Variants in CSMD1 observed in about 807,000 individuals in gnomAD.
The protein encoded by CSMD1 is CUB and sushi domain-containing protein 1.
A neutral mutation model predicts 417.5 loss-of-function variants in CSMD1; 213 were observed. That is an observed-to-expected ratio of 0.51 (90% CI 0.46 to 0.57). The LOEUF is 0.57. Among genes scored for constraint, CSMD1 ranks in the 20% least tolerant of loss-of-function variants. The probability of loss-of-function intolerance (pLI) is 0.00; values close to 1 mark genes in which losing one functional copy is unlikely to be tolerated. For synonymous variants in CSMD1, 2,862 were observed against 1,736.8 expected, an observed-to-expected ratio of 1.65 and a Z score of -16.11; for missense variants, 6,923 against 4,529.7, an observed-to-expected ratio of 1.53 and a Z score of -15.17.
intron 8 of CSMD1, among the ~76,000 whole-genome samples, chr8:3,606,685 C>G (rs1007499997): frequency 6.7e-6 from 1 of 149,900 alleles, no homozygotes; most frequent in Non-Finnish European, 1.5e-5. Context: ...TTAACCTTAA[C>G]TTACTGTAAC....
At chr8:4,532,194 C>A (rs1385458663) in intron 2 of CSMD1, among the ~76,000 whole-genome samples, 3 of 149,398 alleles carry the variant, frequency 2.0e-5, no homozygotes, top group Non-Finnish European at 4.4e-5. Context: ...TTCAGTCACT[C>A]CGGAAGAGAA....
chr8:4,658,787 T>A (rs1000280441), intron 1 of CSMD1, among the ~76,000 whole-genome samples: 1 of 152,124 alleles, frequency 6.6e-6, no homozygotes, highest in Non-Finnish European at 1.5e-5. Context: ...CATAAAACAA[T>A]CACCACACAT....
intron 26 of CSMD1, among the ~76,000 whole-genome samples, chr8:3,282,584 C>CA (rs1429100485): frequency 2.6e-5 from 4 of 151,926 alleles, no homozygotes; most frequent in African/African-American, 7.3e-5. Flanking sequence ...GAGTAAAGGA[C>CA]TTTTTTTCCC....
rs1799266512 is a variant in CSMD1, at chr8:3,238,063, G to A, written c.4154-7832C>T. Among the ~76,000 whole-genome samples, 4 of 151,848 alleles carry A rather than the reference G, an allele frequency of 2.6e-5. 1 individual carries two copies. The highest frequency in any genetic ancestry group is 2.1e-4 in the South Asian group (1 of 4,820). Reference sequence around the variant, plus strand: ...CAATAAAGCTGTTTATTTCACCTGGGTGCAGACGGGCTGAGTCCGAAAAGA... The same window carrying A: ...CAATAAAGCTGTTTATTTCACCTGGATGCAGACGGGCTGAGTCCGAAAAGA... On this transcript the variant is annotated intron_variant, in intron 26 of 69. Coordinates refer to ENST00000635120, the MANE Select transcript of CSMD1 (RefSeq NM_033225.6).
At chr8:4,082,523 A>G (rs916809845) in intron 3 of CSMD1, among the ~76,000 whole-genome samples, 1 of 152,136 alleles carries the variant, frequency 6.6e-6, no homozygotes, top group African/African-American at 2.4e-5. Flanking sequence ...AAAAAATAAA[A>G]CTAAAAGGAA....
At chr8:3,523,314 C>T (rs757499927) in intron 10 of CSMD1, among the ~76,000 whole-genome samples, 2 of 152,142 alleles carry the variant, frequency 1.3e-5, no homozygotes, top group African/African-American at 4.8e-5. Flanking sequence ...TTTTGCTTTA[C>T]TAAATTATTT....
intron 6 of CSMD1, among the ~76,000 whole-genome samples, chr8:3,750,018 G>A (rs1220085315): frequency 6.6e-6 from 1 of 152,012 alleles, no homozygotes; most frequent in African/African-American, 2.4e-5. Context: ...TACCAATAGT[G>A]CAAAAAATAT....
intron 1 of CSMD1, among the ~76,000 whole-genome samples, chr8:4,796,946 G>C (rs1055767451): frequency 6.6e-6 from 1 of 152,230 alleles, no homozygotes; most frequent in East Asian, 1.9e-4. Context: ...GGGCAGGACA[G>C]AGCGGCCCTG....
At chr8:3,448,308 GAAGGAAGGAAGGAAGGGAGC>G (rs1815434128) in intron 12 of CSMD1, among the ~76,000 whole-genome samples, 2 of 84,252 alleles carry the variant, frequency 2.4e-5, no homozygotes, top group African/African-American at 5.2e-5. Flanking sequence ...TGGTGGGAAG[GAAGGAAGGAAGGAAGGGAGC>G]AAGGGAGGGA....
intron 4 of CSMD1, among the ~76,000 whole-genome samples, chr8:4,027,806 G>C (rs1276029963): frequency 1.3e-5 from 2 of 152,066 alleles, no homozygotes; most frequent in Admixed American, 6.6e-5. Flanking sequence ...GTAAGGCCAA[G>C]ACACTTGAAA....
intron 3 of CSMD1, among the ~76,000 whole-genome samples, chr8:4,108,191 T>C (rs1489150328): frequency 6.6e-6 from 1 of 152,120 alleles, no homozygotes; most frequent in Non-Finnish European, 1.5e-5. Context: ...TCAGACTCTA[T>C]GGGAAACAAA....
At chr8:4,427,567 A>T (rs1433450977) in intron 2 of CSMD1, among the ~76,000 whole-genome samples, 1 of 152,094 alleles carries the variant, frequency 6.6e-6, no homozygotes, top group East Asian at 1.9e-4. Context: ...ATCTTACCAG[A>T]TTAAAATGTC....
rs748212272 is a variant in CSMD1 at position 2,949,379 on chromosome 8, G to T, written c.10322C>A (p.Ser3441Tyr). 6 of 1,581,116 alleles carry T rather than the reference G, an allele frequency of 3.8e-6. No homozygotes were observed. The East Asian group carries it at 1.4e-4, about 36-fold the overall frequency. ...DNWGLDGYVS[S>Y]GLERGGFTFQ... ...AGTAAATCCTCCTCTTTCAAGTCCA[G>T]ATGACACCTGACACATAGGAAAGAA... is the stretch of plus-strand genomic sequence containing the variant. The change falls in exon 68 of 70, where the codon TCT becomes TAT. Residue 3441 changes from serine to tyrosine, a missense_variant. Coordinates refer to ENST00000635120, the MANE Select transcript of CSMD1 (RefSeq NM_033225.6).
intron 1 of CSMD1, among the ~76,000 whole-genome samples, chr8:4,638,223 C>G (rs1163505805): frequency 6.6e-6 from 1 of 152,076 alleles, no homozygotes; most frequent in Non-Finnish European, 1.5e-5. Flanking sequence ...ACACTCCACC[C>G]TAAATTCTTT....
chr8:3,051,516 G>A (rs890137048), intron 50 of CSMD1, among the ~76,000 whole-genome samples: 1 of 152,142 alleles, frequency 6.6e-6, no homozygotes, highest in Non-Finnish European at 1.5e-5. Context: ...CCTGGCTGAG[G>A]AAACTATCTC....
At chr8:4,814,552 A>G (rs1212261786) in intron 1 of CSMD1, among the ~76,000 whole-genome samples, 1 of 152,178 alleles carries the variant, frequency 6.6e-6, no homozygotes, top group Non-Finnish European at 1.5e-5. Context: ...TAGATTAATT[A>G]TAGCCCAGAA....
chr8:3,330,489 G>T (rs955850125), intron 23 of CSMD1, among the ~76,000 whole-genome samples: 1 of 152,164 alleles, frequency 6.6e-6, no homozygotes, highest in Non-Finnish European at 1.5e-5. Context: ...GCAAACTAAG[G>T]CAGAAACAGG....
intron 3 of CSMD1, among the ~76,000 whole-genome samples, chr8:4,107,367 G>C (rs926809463): frequency 3.3e-5 from 5 of 152,166 alleles, no homozygotes; most frequent in African/African-American, 9.7e-5. Flanking sequence ...CACCTGTAGA[G>C]GATAAAGTCC....
intron 3 of CSMD1, among the ~76,000 whole-genome samples, chr8:4,137,971 C>A (rs371662217): frequency 3.6e-4 from 53 of 148,948 alleles, no homozygotes; most frequent in African/African-American, 1.3e-3. Flanking sequence ...TCCATCTCCT[C>A]GGTTCACGCC....
Sources: gnomAD v4.1 joint callset for allele counts (sites outside exome capture counted in the v4.1 genomes callset) on GRCh38, gnomAD v4.1.1 for gene constraint, MANE v1.5 for transcripts, NCBI Gene and HGNC (gene_info 2026-07-23, HGNC 2026-07-21) for gene names.